The following MAP2K5 variants were observed in gnomAD, a reference collection of about 807,000 sequenced individuals.
MAP2K5 encodes the protein mitogen-activated protein kinase kinase 5.
MAP2K5 carries 49 observed loss-of-function variants against 83.1 expected under a neutral mutation model. The observed-to-expected ratio is 0.59, with a 90% CI of 0.47 to 0.75. The LOEUF (loss-of-function observed/expected upper bound fraction) is 0.75, where lower values mean the gene tolerates loss of function less well. MAP2K5 is among the 30% of genes least tolerant of loss of function. MAP2K5 has a pLI of 0.00. For missense variants in MAP2K5, 457 were observed against 557.5 expected, an observed-to-expected ratio of 0.82 and a Z score of 1.82; for synonymous variants, 202 against 191.8, an observed-to-expected ratio of 1.05 and a Z score of -0.44.
chr15:67,693,633 G>A, intron 15 of MAP2K5, 65 bp downstream of exon 15: 1 of 1,206,696 alleles, frequency 8.3e-7, no homozygotes, highest in Non-Finnish European at 1.2e-6. Flanking sequence ...ACTTGGTAAT[G>A]TATAATTCTT....
At chr15:67,696,340 G>A (rs557598789) in intron 15 of MAP2K5, among the ~76,000 whole-genome samples, 2 of 152,228 alleles carry the variant, frequency 1.3e-5, no homozygotes, top group East Asian at 3.9e-4. Flanking sequence ...ACACCCATTT[G>A]CTTATATATT....
In MAP2K5 at chr15:67,758,684, T is replaced by C. The variant is rs146122590; in HGVS notation, c.1134+10083T>C. Among the ~76,000 whole-genome samples the C allele has an allele frequency of 2.6e-5, 4 of 152,278 alleles. No homozygotes were observed. In the East Asian group the frequency reaches 7.7e-4, roughly 29 times the overall value. On this transcript the variant is annotated intron_variant, in intron 19 of 21. Coordinates refer to ENST00000178640, the MANE Select transcript of MAP2K5 (RefSeq NM_145160.3). This position sits in a 1 kb window ranked among gnomAD's most constrained non-coding sequence, Gnocchi z 4.7. ...ATATGATGAGGAGATACTTAGCTAA[T>C]AGATATGGTTCTCTACCAGAATTCA...
chr15:67,587,552 C>T lies in MAP2K5; in HGVS notation c.431+639C>T, dbSNP rs187084068. 5.3e-5 allele frequency among the ~76,000 whole-genome samples: 8 copies of T among 152,318 alleles called. No homozygotes were observed. The highest frequency in any genetic ancestry group is 1.9e-4 in the East Asian group (1 of 5,182). ...CAAATCTCTTACTGAACATCCCTGTCGGAGGAATGCACTTTATCAGCCAAC... is the reference window on the plus strand; with the variant it reads ...CAAATCTCTTACTGAACATCCCTGTTGGAGGAATGCACTTTATCAGCCAAC... On this transcript the variant is annotated intron_variant, in intron 6 of 21. Transcript: ENST00000178640. The surrounding 1 kb of genome is among the most constrained non-coding windows in gnomAD (Gnocchi z 4.8).
chr15:67,628,182 A>C, intron 8 of MAP2K5: 1 of 985,680 alleles, frequency 1.0e-6, no homozygotes, highest in South Asian at 1.3e-5. Context: ...TGTTGGTGGC[A>C]TTAAAGAAGA....
chr15:67,611,615 A>G (rs75473171), intron 8 of MAP2K5, among the ~76,000 whole-genome samples: 1 of 152,202 alleles, frequency 6.6e-6, no homozygotes, highest in Non-Finnish European at 1.5e-5. Context: ...AGCTGAGCAC[A>G]CTAGGTATCG....
At chr15:67,591,028 G>C (rs1218588641) in intron 6 of MAP2K5, among the ~76,000 whole-genome samples, 27 of 152,100 alleles carry the variant, frequency 1.8e-4, no homozygotes, top group Admixed American at 1.8e-3. Flanking sequence ...TGGGTAGGTA[G>C]GTAAAGGGCT....
At chr15:67,694,275 T>A (rs1241385157) in intron 15 of MAP2K5, among the ~76,000 whole-genome samples, 1 of 152,188 alleles carries the variant, frequency 6.6e-6, no homozygotes, top group Non-Finnish European at 1.5e-5. Flanking sequence ...ACAGGAAACT[T>A]ATCTAGTATT....
intron 13 of MAP2K5, among the ~76,000 whole-genome samples, chr15:67,692,247 A>G (rs992639978): frequency 3.9e-5 from 6 of 152,246 alleles, no homozygotes; most frequent in Middle Eastern, 3.2e-3. Context: ...GTCACTTAAA[A>G]TAAACTCTTT....
Position 67,701,082 on chromosome 15 carries a change from G to A in MAP2K5, c.973-2255G>A, listed in dbSNP as rs562465956. On this transcript the variant is annotated intron_variant, in intron 15 of 21. Transcript: ENST00000178640. ...GTGGGTTCCACTTTTGTGTGTGTGCGTGTTTTTTCTGTATTCTGGGTGAAA... is the reference window on the plus strand; with the variant it reads ...GTGGGTTCCACTTTTGTGTGTGTGCATGTTTTTTCTGTATTCTGGGTGAAA... Among the ~76,000 whole-genome samples, 189 of 152,100 alleles carry A rather than the reference G, an allele frequency of 1.2e-3. 1 individual carries two copies. The highest frequency in any genetic ancestry group is 3.4e-3 in the African/African-American group (143 of 41,484).
At chr15:67,581,682 A>G (rs966367451) in intron 4 of MAP2K5, among the ~76,000 whole-genome samples, 2 of 152,198 alleles carry the variant, frequency 1.3e-5, no homozygotes, top group African/African-American at 4.8e-5. Flanking sequence ...GAGTTTTCCA[A>G]TTAAACATTC....
At chr15:67,754,975 A>G (rs1012019584) in intron 19 of MAP2K5, among the ~76,000 whole-genome samples, 3 of 152,104 alleles carry the variant, frequency 2.0e-5, no homozygotes, top group Admixed American at 1.3e-4. Flanking sequence ...GCTATTAAGT[A>G]TTGATTGATT....
chr15:67,580,972 AG>A, intron 4 of MAP2K5, 149 bp downstream of exon 4: 1 of 604,632 alleles, frequency 1.7e-6, no homozygotes, highest in Non-Finnish European at 3.0e-6. Flanking sequence ...TGGGGATTGC[AG>A]GCTATATTAT....
At chr15:67,733,830 A>C (rs1167187690) in intron 17 of MAP2K5, among the ~76,000 whole-genome samples, 2 of 152,238 alleles carry the variant, frequency 1.3e-5, no homozygotes, top group Non-Finnish European at 2.9e-5. Flanking sequence ...CACCTTCCAT[A>C]GATAGTTCAG....
chr15:67,633,478 T>C (rs1489170023), intron 9 of MAP2K5, among the ~76,000 whole-genome samples: 2 of 152,252 alleles, frequency 1.3e-5, no homozygotes, highest in Non-Finnish European at 2.9e-5. Flanking sequence ...AAAAGTATTG[T>C]GCATTAGTTG....
At chr15:67,678,746 A>G (rs1014412974) in intron 13 of MAP2K5, among the ~76,000 whole-genome samples, 4 of 152,162 alleles carry the variant, frequency 2.6e-5, no homozygotes, top group Admixed American at 2.6e-4. Context: ...CGGTAGGATC[A>G]TGAGGTCAGT....
At position 67,580,786 on chromosome 15, in the gene MAP2K5, T is replaced by C. The variant is rs752554724; in HGVS notation, c.285T>C (p.Asn95=). Residue 95 remains asparagine, a synonymous_variant, in exon 4 of 22, where the codon AAT becomes AAC. Transcript: ENST00000178640. ...CCACAGTAATGGAACAGCAAGTAAATGGACAGTTAATAGAGCCTCTGCAGA... is the reference window on the plus strand; with the variant it reads ...CCACAGTAATGGAACAGCAAGTAAACGGACAGTTAATAGAGCCTCTGCAGA... ...YYSTVMEQQV[N]GQLIEPLQIF... is the part of the protein sequence containing the mutation. 1 of 1,609,484 alleles carries C rather than the reference T, an allele frequency of 6.2e-7. No individual in the cohort carries two copies. The highest frequency in any genetic ancestry group is 8.5e-7 in the Non-Finnish European group (1 of 1,176,742).
chr15:67,792,822 G>A (rs1453788222), intron 21 of MAP2K5, among the ~76,000 whole-genome samples: 2 of 152,164 alleles, frequency 1.3e-5, no homozygotes, highest in Non-Finnish European at 2.9e-5. Flanking sequence ...GGCCCAAAGC[G>A]GCCCCGTATG....
chr15:67,669,926 G>A (rs963235560), intron 13 of MAP2K5, among the ~76,000 whole-genome samples: 6 of 152,142 alleles, frequency 3.9e-5, no homozygotes, highest in Non-Finnish European at 8.8e-5. Context: ...ACATGATTCA[G>A]CAATCCCCTT....
At chr15:67,549,222 C>T (rs775434244) in intron 1 of MAP2K5, 1 of 1,527,904 alleles carries the variant, frequency 6.5e-7, no homozygotes, top group Middle Eastern at 1.7e-4. Context: ...GTGTTCTATG[C>T]TTATTCAATT....
Sources: gnomAD v4.1 joint callset for allele counts (sites outside exome capture counted in the v4.1 genomes callset) on GRCh38, gnomAD v4.1.1 for gene constraint, Gnocchi (gnomAD v3.1) non-coding constraint, MANE v1.5 for transcripts, NCBI Gene and HGNC (gene_info 2026-07-23, HGNC 2026-07-21) for gene names.